Variants in NADK2 observed in about 807,000 individuals in gnomAD.
NADK2 encodes the protein NAD kinase 2, mitochondrial.
Under a neutral mutation model 62.1 loss-of-function variants are expected in NADK2, and 35 were observed. That is an observed-to-expected ratio of 0.56 (90% CI 0.43 to 0.75). NADK2 has a LOEUF of 0.75. Among genes scored for constraint, NADK2 ranks in the 30% least tolerant of loss-of-function variants. NADK2 has a pLI of 0.00. For synonymous variants in NADK2, 205 were observed against 207.9 expected, an observed-to-expected ratio of 0.99 and a Z score of 0.12; for missense variants, 439 against 561.3, an observed-to-expected ratio of 0.78 and a Z score of 2.20.
At chr5:36,207,418 CTGAT>C (rs1746681405) in intron 7 of NADK2, among the ~76,000 whole-genome samples, 153 bp from the exon 8 acceptor site, 1 of 149,406 alleles carries the variant, frequency 6.7e-6, no homozygotes, top group Non-Finnish European at 1.5e-5. Context: ...AATTCCAATA[CTGAT>C]TAAGTGAAAA....
intron 6 of NADK2, among the ~76,000 whole-genome samples, chr5:36,216,374 G>A (rs556281745): frequency 2.0e-5 from 3 of 152,070 alleles, no homozygotes; most frequent in African/African-American, 7.2e-5. Flanking sequence ...AATTCTATAG[G>A]CTGTCTCTTC....
At chr5:36,233,451 C>G (rs1227690969) in intron 1 of NADK2, among the ~76,000 whole-genome samples, 1 of 152,108 alleles carries the variant, frequency 6.6e-6, no homozygotes, top group Non-Finnish European at 1.5e-5. Flanking sequence ...AAGCTAACTC[C>G]TTGGCAAGAG....
At position 36,241,031 on chromosome 5, in the gene NADK2, C is replaced by G. The variant is rs1367166883; in HGVS notation, c.300+468G>C. ...CGCGGTTGTTTCGGCCCTTTTCCCC[C>G]GGCAGCCCTCAGCGGCGCCCTGGGC... On this transcript the variant is annotated intron_variant, in intron 1 of 11. Transcript: ENST00000381937. This position sits in a 1 kb window ranked among gnomAD's most constrained non-coding sequence, Gnocchi z 4.9. Among the ~76,000 whole-genome samples, 1 of 152,188 alleles carries G rather than the reference C, an allele frequency of 6.6e-6. No individual in the cohort carries two copies. The highest frequency in any genetic ancestry group is 1.5e-5 in the Non-Finnish European group (1 of 68,016).
rs1169705861 is a variant in NADK2 at position 36,237,537 on chromosome 5, T to C, written c.300+3962A>G. Reference sequence around the variant, plus strand: ...CAAGTAACAGAAAGACTTCTTTGTATAATATTTTGTATCTTTTATATTTTG... The same window carrying C: ...CAAGTAACAGAAAGACTTCTTTGTACAATATTTTGTATCTTTTATATTTTG... On this transcript the variant is annotated intron_variant, in intron 1 of 11. Transcript: ENST00000381937. Among the ~76,000 whole-genome samples, 6 of 152,344 alleles carry C rather than the reference T, an allele frequency of 3.9e-5. No homozygotes were observed. In the East Asian group the frequency reaches 7.7e-4, roughly 20 times the overall value.
chr5:36,233,536 CATT>C (rs1448522433), intron 1 of NADK2, among the ~76,000 whole-genome samples: 2 of 152,144 alleles, frequency 1.3e-5, no homozygotes, highest in Non-Finnish European at 2.9e-5. Flanking sequence ...TCTTAAAGTG[CATT>C]ATAAGCTGGT....
chr5:36,221,914 A>G (rs950635538), intron 4 of NADK2: 1 of 152,222 alleles, frequency 6.6e-6, no homozygotes, highest in Admixed American at 6.5e-5. Flanking sequence ...GATCTCTATT[A>G]TTTACATTCA....
At chr5:36,238,183 T>C (rs1014827632) in intron 1 of NADK2, among the ~76,000 whole-genome samples, 11 of 152,212 alleles carry the variant, frequency 7.2e-5, no homozygotes, top group African/African-American at 2.4e-5. Flanking sequence ...AAGTATACCA[T>C]GGTACGCTTA....
chr5:36,202,979 G>C (rs558241840), intron 8 of NADK2, among the ~76,000 whole-genome samples: 4 of 151,948 alleles, frequency 2.6e-5, no homozygotes, highest in Non-Finnish European at 5.9e-5. Flanking sequence ...TGAAAGCAAA[G>C]ACTAATTAAA....
intron 4 of NADK2, among the ~76,000 whole-genome samples, chr5:36,219,933 T>A (rs980217749): frequency 6.6e-6 from 1 of 152,224 alleles, no homozygotes; most frequent in African/African-American, 2.4e-5. Context: ...TACGTTACAA[T>A]GAAACTAAAA....
At chr5:36,208,962 C>A (rs569911588) in intron 7 of NADK2, among the ~76,000 whole-genome samples, 1 of 152,178 alleles carries the variant, frequency 6.6e-6, no homozygotes, top group South Asian at 2.1e-4. Flanking sequence ...CTAATAAATA[C>A]AACCACCTTT....
chr5:36,226,550 C>G lies in NADK2; in HGVS notation c.403G>C (p.Glu135Gln). ...IIDSLRNEGI[E>Q]VRLVKRREYD... ...TCTCTCCTCTTTACTAGACGAACCT[C>G]AATTCCCTCATTCCTAGGATAAAAA... Residue 135 changes from glutamate to glutamine, a missense_variant, in exon 3 of 12, where the codon GAG becomes CAG. Glu to Gln is a conservative substitution (Grantham distance 29, BLOSUM62 2). Coordinates refer to ENST00000381937, the MANE Select transcript of NADK2 (RefSeq NM_001085411.3). 1 of 1,611,842 alleles carries G rather than the reference C, an allele frequency of 6.2e-7. No homozygotes were observed. The highest frequency in any genetic ancestry group is 1.7e-4 in the Middle Eastern group (1 of 6,058).
At chr5:36,223,340 A>C (rs1259644710) in intron 4 of NADK2, among the ~76,000 whole-genome samples, 1 of 152,180 alleles carries the variant, frequency 6.6e-6, no homozygotes, top group Non-Finnish European at 1.5e-5. Flanking sequence ...GAATGGAAGC[A>C]AGAAGATCAG....
intron 8 of NADK2, among the ~76,000 whole-genome samples, chr5:36,202,006 T>C (rs894705283): frequency 1.3e-5 from 2 of 152,028 alleles, no homozygotes; most frequent in Non-Finnish European, 2.9e-5. Flanking sequence ...TCATACATGA[T>C]CTCAATATAT....
chr5:36,197,480 A>G, intron 11 of NADK2, 61 bp downstream of exon 11: 1 of 1,600,550 alleles, frequency 6.2e-7, no homozygotes, highest in Non-Finnish European at 8.5e-7. Context: ...TTTCAAACCA[A>G]GTGGGCTTTG....
chr5:36,206,609 G>A (rs903636325), intron 8 of NADK2, among the ~76,000 whole-genome samples: 4 of 151,976 alleles, frequency 2.6e-5, no homozygotes, highest in African/African-American at 9.7e-5. Context: ...AAAAACTGAA[G>A]ACAATAAATT....
At chr5:36,207,446 T>A (rs1436188009) in intron 7 of NADK2, among the ~76,000 whole-genome samples, 181 bp from the exon 8 acceptor site, 4 of 147,088 alleles carry the variant, frequency 2.7e-5, no homozygotes, top group South Asian at 2.2e-4. Context: ...TAGAAGAAAT[T>A]AAAAAAAAAA....
At chr5:36,197,179 T>C (rs1746260460) in intron 11 of NADK2, among the ~76,000 whole-genome samples, 1 of 152,080 alleles carries the variant, frequency 6.6e-6, no homozygotes, top group Admixed American at 6.6e-5. Flanking sequence ...AAGTTTTCTA[T>C]CAGTGTTTAT....
intron 10 of NADK2, among the ~76,000 whole-genome samples, chr5:36,199,380 A>G (rs1746356604): frequency 1.3e-5 from 2 of 151,972 alleles, no homozygotes; most frequent in Non-Finnish European, 2.9e-5. Context: ...GAGAAAATAC[A>G]TAGGTTGGTA....
intron 1 of NADK2, among the ~76,000 whole-genome samples, chr5:36,237,302 A>G (rs956121553): frequency 3.3e-5 from 5 of 152,196 alleles, no homozygotes; most frequent in Non-Finnish European, 7.4e-5. Flanking sequence ...AAGAATGGGA[A>G]TGTTCTTTAT....
Sources: allele counts gnomAD v4.1 joint callset (sites outside exome capture counted in the v4.1 genomes callset), GRCh38; gene constraint gnomAD v4.1.1; non-coding constraint Gnocchi (gnomAD v3.1); transcripts MANE v1.5; gene names NCBI Gene and HGNC (gene_info 2026-07-23, HGNC 2026-07-21).